The following GNG7 variants were observed in gnomAD, a reference collection of about 807,000 sequenced individuals.
GNG7 encodes G protein subunit gamma 7.
Under a neutral mutation model 4.0 loss-of-function variants are expected in GNG7, and 1 was observed. That is an observed-to-expected ratio of 0.25 (90% CI 0.09 to 1.18). The LOEUF is 1.18. Among genes scored for constraint, GNG7 ranks in the 50% most tolerant of loss-of-function variants. The pLI, the probability that GNG7 is intolerant of heterozygous loss-of-function variation, is 0.50. For synonymous variants in GNG7, 34 were observed against 36.9 expected, an observed-to-expected ratio of 0.92 and a Z score of 0.29; for missense variants, 86 against 91.9, an observed-to-expected ratio of 0.94 and a Z score of 0.26.
At chr19:2,521,463 G>A (rs953271667) in intron 3 of GNG7, among the ~76,000 whole-genome samples, 16 of 152,102 alleles carry the variant, frequency 1.1e-4, no homozygotes, top group African/African-American at 3.6e-4. Flanking sequence ...TGGGTTGGGT[G>A]GAGGCCAGGG....
At chr19:2,679,542 A>G (rs8106089) in intron 1 of GNG7, among the ~76,000 whole-genome samples, 5,366 of 152,170 alleles carry the variant, frequency 0.035, 306 homozygotes, top group African/African-American at 0.12. Context: ...TTTCTTCAAA[A>G]TTCACACAGA....
intron 3 of GNG7, among the ~76,000 whole-genome samples, chr19:2,551,890 G>A (rs1401820010): frequency 6.6e-6 from 1 of 152,042 alleles, no homozygotes; most frequent in African/African-American, 2.4e-5. Context: ...TTGCCATGTT[G>A]GCCAGTCTGG....
intron 2 of GNG7, among the ~76,000 whole-genome samples, chr19:2,581,554 C>T (rs1339548540): frequency 6.6e-6 from 1 of 152,090 alleles, no homozygotes; most frequent in Non-Finnish European, 1.5e-5. Flanking sequence ...GCAGCCAGGA[C>T]GCCTGCAGCC....
intron 2 of GNG7, among the ~76,000 whole-genome samples, chr19:2,564,961 C>T (rs1408142000): frequency 6.6e-6 from 1 of 151,342 alleles, no homozygotes; most frequent in Non-Finnish European, 1.5e-5. Flanking sequence ...GAGGCTGAGG[C>T]AGGAGGACCA....
chr19:2,575,738 C>CAGACACAGGCACACGCAG (rs201042346), intron 2 of GNG7, among the ~76,000 whole-genome samples: 2 of 79,598 alleles, frequency 2.5e-5, no homozygotes, highest in African/African-American at 1.8e-4. Context: ...CAGGCACACG[C>CAGACACAGGCACACGCAG]ACACGCAGGC....
rs921856470 is a variant in GNG7 at position 2,557,752 on chromosome 19, G to T, written c.-77-2564C>A. On this transcript the variant is annotated intron_variant, in intron 2 of 4. Coordinates refer to ENST00000382159, the MANE Select transcript of GNG7 (RefSeq NM_052847.3). The surrounding 1 kb of genome is among the most constrained non-coding windows in gnomAD (Gnocchi z 5.1). ...CCCGGGTCAGCCTCAGAACCCACAGGACTTTGACCCTGCCCCAGGCCATGG... is the reference window on the plus strand; with the variant it reads ...CCCGGGTCAGCCTCAGAACCCACAGTACTTTGACCCTGCCCCAGGCCATGG... 5.9e-5 allele frequency among the ~76,000 whole-genome samples: 9 copies of T among 152,150 alleles called. No individual in the cohort carries two copies. The highest frequency in any genetic ancestry group is 8.8e-5 in the Non-Finnish European group (6 of 68,042).
At chr19:2,594,072 C>G (rs1458691578) in intron 2 of GNG7, among the ~76,000 whole-genome samples, 2 of 151,968 alleles carry the variant, frequency 1.3e-5, no homozygotes, top group African/African-American at 2.4e-5. Flanking sequence ...AAGTTGTTTA[C>G]AGAAACTGCA....
At chr19:2,559,489 T>C (rs1979670171) in intron 2 of GNG7, among the ~76,000 whole-genome samples, 1 of 151,804 alleles carries the variant, frequency 6.6e-6, no homozygotes, top group Admixed American at 6.6e-5. Flanking sequence ...GTAGCTGGGA[T>C]TACAGGCACC....
chr19:2,615,165 C>CT (rs759241731), intron 2 of GNG7, among the ~76,000 whole-genome samples: 15,901 of 145,390 alleles, frequency 0.11, 899 homozygotes, highest in South Asian at 0.19. Context: ...CTGTGACACT[C>CT]TTTTTTTTTT....
At chr19:2,540,522 C>T (rs1206760686) in intron 3 of GNG7, among the ~76,000 whole-genome samples, 4 of 152,152 alleles carry the variant, frequency 2.6e-5, no homozygotes, top group African/African-American at 4.8e-5. Flanking sequence ...AGGGTGGGTG[C>T]GTGGGCCCCT....
At chr19:2,592,229 C>T (rs995603104) in intron 2 of GNG7, among the ~76,000 whole-genome samples, 21 of 151,982 alleles carry the variant, frequency 1.4e-4, no homozygotes, top group Admixed American at 3.9e-4. Flanking sequence ...CACAAGAACG[C>T]GCTAACTAAA....
chr19:2,680,401 C>T (rs945571626), intron 1 of GNG7, among the ~76,000 whole-genome samples: 2 of 151,948 alleles, frequency 1.3e-5, no homozygotes, highest in South Asian at 2.1e-4. Flanking sequence ...CCACCCGCCT[C>T]GGTCTCCCAA....
chr19:2,512,254 G>C lies in GNG7; in HGVS notation c.*2768C>G. ...CCATAAAACATGCGTTCACCCCAGG[G>C]ATTCCCGGCAGAAAAGCACATGTGG... is the stretch of plus-strand genomic sequence containing the variant. On this transcript the variant is annotated 3_prime_UTR_variant, in exon 5 of 5. Coordinates refer to ENST00000382159, the MANE Select transcript of GNG7 (RefSeq NM_052847.3). The surrounding 1 kb of genome is among the most constrained non-coding windows in gnomAD (Gnocchi z 4.7). The C allele has an allele frequency of 3.0e-6, 3 of 985,924 alleles. No individual in the cohort carries two copies. The highest frequency in any genetic ancestry group is 3.6e-6 in the Non-Finnish European group (3 of 829,966). The allele number at this position is 985,924 out of a possible 1,614,324, so 61.1% of individuals were successfully genotyped here. A position where few individuals can be genotyped will look rare whatever the true frequency, so the allele number is the denominator to read the frequency against.
intron 2 of GNG7, among the ~76,000 whole-genome samples, chr19:2,630,206 G>T (rs1355875317): frequency 6.6e-6 from 1 of 152,096 alleles, no homozygotes; most frequent in Non-Finnish European, 1.5e-5. Context: ...ATTCGGTCCT[G>T]GCTGAGGCCG....
chr19:2,677,554 C>T lies in GNG7; in HGVS notation c.-135+25092G>A, dbSNP rs570249212. On this transcript the variant is annotated intron_variant, in intron 1 of 4. Transcript: ENST00000382159. ...TGACACCAGACACTAGAAAAAATTC[C>T]CGATGGGGTGGATGGCAGAAACCAA... Among the ~76,000 whole-genome samples, 40 of 152,220 alleles carry T rather than the reference C, an allele frequency of 2.6e-4. 2 individuals carry two copies. The South Asian group carries it at 6.0e-3, about 23-fold the overall frequency.
chr19:2,595,596 G>T (rs113646684), intron 2 of GNG7, among the ~76,000 whole-genome samples: 2 of 151,608 alleles, frequency 1.3e-5, no homozygotes, highest in African/African-American at 2.4e-5. Context: ...TTAGCCGGGC[G>T]TGGTGGCGGG....
At chr19:2,562,938 TTC>T (rs1315617043) in intron 2 of GNG7, among the ~76,000 whole-genome samples, 1 of 73,114 alleles carries the variant, frequency 1.4e-5, no homozygotes, top group African/African-American at 4.8e-5. Context: ...TTCAATCTTT[TTC>T]TTTTTCTTTT....
chr19:2,540,033 TCTCC>T (rs202078663), intron 3 of GNG7, among the ~76,000 whole-genome samples: 2,168 of 130,062 alleles, frequency 0.017, 94 homozygotes, highest in African/African-American at 0.061. Flanking sequence ...TCTCTCTGGC[TCTCC>T]CTCCCTCCCT....
intron 2 of GNG7, chr19:2,641,691 T>A (rs1982511886): frequency 6.6e-6 from 1 of 151,784 alleles, no homozygotes; most frequent in Non-Finnish European, 1.5e-5. Flanking sequence ...TGAGATGGAG[T>A]CTCACTCTGT....
Sources: gnomAD v4.1 joint callset for allele counts (sites outside exome capture counted in the v4.1 genomes callset) on GRCh38, gnomAD v4.1.1 for gene constraint, Gnocchi (gnomAD v3.1) non-coding constraint, MANE v1.5 for transcripts, NCBI Gene and HGNC (gene_info 2026-07-23, HGNC 2026-07-21) for gene names.